Variants in RANBP2 observed in about 807,000 individuals in gnomAD.
RANBP2 encodes the protein E3 SUMO-protein ligase RanBP2.
In RANBP2, 57 loss-of-function variants were observed where a neutral mutation model predicts 303.6. That is an observed-to-expected ratio of 0.19 (90% CI 0.15 to 0.23). RANBP2 has a LOEUF of 0.23. Ranked by LOEUF, RANBP2 falls within the 10% of genes least tolerant of loss-of-function variation. RANBP2 has a pLI of 1.00. For missense variants in RANBP2, 3,138 were observed against 3,780.8 expected, an observed-to-expected ratio of 0.83 and a Z score of 4.46; for synonymous variants, 1,167 against 1,301.5, an observed-to-expected ratio of 0.90 and a Z score of 2.23.
chr2:109,381,207 C>T, the RANBP2 span, among the ~76,000 whole-genome samples: 1 of 152,194 alleles, frequency 6.6e-6, no homozygotes, highest in East Asian at 1.9e-4. Flanking sequence ...AGCTGAACAC[C>T]CAGGTGGCCC....
At chr2:109,461,952 A>G in the RANBP2 span, among the ~76,000 whole-genome samples, 216 of 152,244 alleles carry the variant, frequency 1.4e-3, 1 homozygote, top group Middle Eastern at 6.8e-3. Context: ...AACTCTGGCT[A>G]TAGGAGGGGC....
At chr2:109,021,380 G>A in the RANBP2 span, among the ~76,000 whole-genome samples, 3 of 152,038 alleles carry the variant, frequency 2.0e-5, no homozygotes, top group East Asian at 1.9e-4. Context: ...AAAAGTAGCC[G>A]GGCGTGGTGG....
chr2:108,917,705 G>C, the RANBP2 span, among the ~76,000 whole-genome samples: 860 of 152,204 alleles, frequency 5.7e-3, 5 homozygotes, highest in African/African-American at 0.02. Context: ...CTGACCTCAT[G>C]AGGGTGAGGT....
the RANBP2 span, among the ~76,000 whole-genome samples, chr2:109,551,021 T>A: frequency 6.6e-6 from 1 of 152,234 alleles, no homozygotes; most frequent in Non-Finnish European, 1.5e-5. Context: ...CTGTACTTTT[T>A]CTTAAAGTGG....
chr2:108,951,929 T>A, the RANBP2 span, among the ~76,000 whole-genome samples: 1 of 152,218 alleles, frequency 6.6e-6, no homozygotes, highest in African/African-American at 2.4e-5. Flanking sequence ...ACATAGACTT[T>A]CCCTTGACAC....
chr2:109,276,688 A>G, the RANBP2 span, among the ~76,000 whole-genome samples: 1 of 152,206 alleles, frequency 6.6e-6, no homozygotes, highest in Non-Finnish European at 1.5e-5. Flanking sequence ...AGTCAGATAG[A>G]GACCCTTTTT....
At chr2:109,443,148 G>T in the RANBP2 span, among the ~76,000 whole-genome samples, 1 of 152,216 alleles carries the variant, frequency 6.6e-6, no homozygotes. Flanking sequence ...GCATGGGTGT[G>T]TACACATATC....
At chr2:109,380,695 G>T in the RANBP2 span, among the ~76,000 whole-genome samples, 14 of 152,220 alleles carry the variant, frequency 9.2e-5, no homozygotes. Context: ...TCAGGGCCTG[G>T]CGAAGGGGCA....
the RANBP2 span, among the ~76,000 whole-genome samples, chr2:108,902,534 T>C: frequency 6.6e-6 from 1 of 152,170 alleles, no homozygotes; most frequent in East Asian, 1.9e-4. Context: ...TAACTTATTC[T>C]ATGAGGGTAG....
At chr2:108,878,117 A>G in the RANBP2 span, among the ~76,000 whole-genome samples, 2 of 152,228 alleles carry the variant, frequency 1.3e-5, no homozygotes, top group African/African-American at 2.4e-5. Flanking sequence ...ATGAAAGAAA[A>G]CAGTTTATTA....
chr2:109,707,521 C>A, the RANBP2 span, among the ~76,000 whole-genome samples: 1 of 152,172 alleles, frequency 6.6e-6, no homozygotes, highest in Non-Finnish European at 1.5e-5. Flanking sequence ...TAAAACACCA[C>A]TACAATTCTG....
the RANBP2 span, among the ~76,000 whole-genome samples, chr2:109,736,966 A>T: frequency 2.3e-3 from 344 of 152,274 alleles, no homozygotes; most frequent in Middle Eastern, 6.8e-3. Context: ...AGCTGAAAAA[A>T]AAAAAGAAGT....
chr2:109,651,266 T>C, the RANBP2 span, among the ~76,000 whole-genome samples: 1 of 152,192 alleles, frequency 6.6e-6, no homozygotes, highest in Middle Eastern at 3.4e-3. Flanking sequence ...CACATATTAC[T>C]CCCTGGCTCA....
At chr2:109,016,121 G>C in the RANBP2 span, among the ~76,000 whole-genome samples, 1 of 152,094 alleles carries the variant, frequency 6.6e-6, no homozygotes, top group Non-Finnish European at 1.5e-5. Flanking sequence ...TCGCTCTGTC[G>C]CCCAGGCTGG....
the RANBP2 span, among the ~76,000 whole-genome samples, chr2:109,202,118 C>T: frequency 6.6e-6 from 1 of 152,210 alleles, no homozygotes; most frequent in Non-Finnish European, 1.5e-5. Context: ...GCCACTTTCT[C>T]ATCTTGACAG....
At chr2:109,318,785 C>T in the RANBP2 span, among the ~76,000 whole-genome samples, 1 of 152,216 alleles carries the variant, frequency 6.6e-6, no homozygotes, top group African/African-American at 2.4e-5. Context: ...GAAAGCCCAG[C>T]CCTGACGAGC....
chr2:108,916,301 G>T, the RANBP2 span, among the ~76,000 whole-genome samples: 1 of 152,184 alleles, frequency 6.6e-6, no homozygotes, highest in African/African-American at 2.4e-5. Flanking sequence ...GCCTCTTCTT[G>T]TCCCTTCCTG....
At chr2:108,982,318 G>A in the RANBP2 span, among the ~76,000 whole-genome samples, 1 of 152,232 alleles carries the variant, frequency 6.6e-6, no homozygotes, top group Non-Finnish European at 1.5e-5. Context: ...AGGGAGGTGG[G>A]TGGAAGCCTC....
At chr2:108,754,824 GAT>G in intron 15 of RANBP2, 79 bp from the exon 16 acceptor site, 1 of 1,596,548 alleles carries the variant, frequency 6.3e-7, no homozygotes. Context: ...ATGTAAATAA[GAT>G]AAAATATATC....
Sources: gnomAD v4.1 joint callset for allele counts (sites outside exome capture counted in the v4.1 genomes callset) on GRCh38, gnomAD v4.1.1 for gene constraint, MANE v1.5 for transcripts, NCBI Gene and HGNC (gene_info 2026-07-23, HGNC 2026-07-21) for gene names.